PCDHA12: variants seen among roughly 807,000 people sequenced by gnomAD.
The protein encoded by PCDHA12 is protocadherin alpha 12.
A neutral mutation model predicts 60.0 loss-of-function variants in PCDHA12; 44 were observed. That is an observed-to-expected ratio of 0.73 (90% CI 0.58 to 0.94). PCDHA12 has a LOEUF of 0.94. Ranked by LOEUF, PCDHA12 falls within the 40% of genes least tolerant of loss-of-function variation. The pLI is 0.00. For synonymous variants in PCDHA12, 569 were observed against 553.0 expected (o/e 1.03, Z -0.40); for missense variants, 1,276 against 1,239.7 (o/e 1.03, Z -0.44).
chr5:140,954,615 C>A (rs782262504), intron 1 of PCDHA12, among the ~76,000 whole-genome samples: 16 of 151,806 alleles, frequency 1.1e-4, no homozygotes, highest in Non-Finnish European at 1.6e-4. Context: ...TTTTAATGGG[C>A]TTGTTTGGGT....
intron 3 of PCDHA12, among the ~76,000 whole-genome samples, chr5:140,983,914 AGGATT>A (rs1327360241): frequency 6.6e-6 from 1 of 152,244 alleles, no homozygotes; most frequent in Non-Finnish European, 1.5e-5. Flanking sequence ...CTAATCAGCC[AGGATT>A]TGCTATTTAT....
intron 3 of PCDHA12, among the ~76,000 whole-genome samples, chr5:140,999,645 G>C (rs1417751593): frequency 6.6e-6 from 1 of 152,156 alleles, no homozygotes; most frequent in Non-Finnish European, 1.5e-5. Context: ...AAACTGTGCA[G>C]CCTGAGCCCT....
At chr5:140,959,066 G>T (rs913581823) in intron 1 of PCDHA12, among the ~76,000 whole-genome samples, 81 of 152,142 alleles carry the variant, frequency 5.3e-4, no homozygotes, top group African/African-American at 1.9e-3. Flanking sequence ...AGTATATATA[G>T]AATTCAGTAT....
At chr5:140,939,350 A>G (rs2153641006) in intron 1 of PCDHA12, among the ~76,000 whole-genome samples, 1 of 152,266 alleles carries the variant, frequency 6.6e-6, no homozygotes, top group East Asian at 1.9e-4. Context: ...ATTTCAACTT[A>G]TGATTGCAAA....
At chr5:140,964,062 C>T (rs1257577051) in intron 1 of PCDHA12, among the ~76,000 whole-genome samples, 1 of 152,124 alleles carries the variant, frequency 6.6e-6, no homozygotes, top group Middle Eastern at 3.2e-3. Flanking sequence ...GTGGTCAAGG[C>T]ATTAGTGTTA....
chr5:140,955,156 G>A (rs556311036), intron 1 of PCDHA12, among the ~76,000 whole-genome samples: 25 of 152,262 alleles, frequency 1.6e-4, no homozygotes, highest in East Asian at 3.9e-4. Context: ...TACCAGTACC[G>A]TGCTGTTTTG....
chr5:140,876,230 A>C lies in PCDHA12; in HGVS notation c.758A>C (p.Glu253Ala). 1 of 1,613,886 alleles carries C rather than the reference A, an allele frequency of 6.2e-7. No individual in the cohort carries two copies. The highest frequency in any genetic ancestry group is 1.1e-5 in the South Asian group (1 of 91,064). ...DKPSYKVVLS[E>A]NVQNDTRVIQ... ...CCCAGCTATAAAGTAGTGTTGTCTGAAAATGTCCAAAACGACACAAGAGTG... is the reference window on the plus strand; with the variant it reads ...CCCAGCTATAAAGTAGTGTTGTCTGCAAATGTCCAAAACGACACAAGAGTG... The change falls in exon 1 of 4, where the codon GAA (glutamate) becomes GCA (alanine). Residue 253 changes from glutamate (E) to alanine (A), a missense_variant. Coordinates refer to ENST00000398631, the MANE Select transcript of PCDHA12 (RefSeq NM_018903.4).
intron 1 of PCDHA12, among the ~76,000 whole-genome samples, chr5:140,911,234 C>A (rs1554194655): frequency 6.6e-6 from 1 of 151,890 alleles, no homozygotes; most frequent in South Asian, 2.1e-4. Context: ...TTTCTTCTGG[C>A]AAAAAAAGTT....
chr5:140,926,570 G>A (rs2083360845), intron 1 of PCDHA12: 1 of 267,246 alleles, frequency 3.7e-6, no homozygotes, highest in African/African-American at 2.2e-5. Flanking sequence ...TGCTACTGGA[G>A]ACAGCACCTC....
chr5:140,927,418 C>T (rs1296760547), intron 1 of PCDHA12: 3 of 1,614,106 alleles, frequency 1.9e-6, no homozygotes, highest in Admixed American at 1.7e-5. Flanking sequence ...CATGGGATCG[C>T]GGGTTGACGG....
chr5:140,992,405 C>T (rs962261885), intron 3 of PCDHA12, among the ~76,000 whole-genome samples: 1 of 152,152 alleles, frequency 6.6e-6, no homozygotes, highest in Non-Finnish European at 1.5e-5. Context: ...AGATATTGTT[C>T]TGCCCCAGGT....
intron 1 of PCDHA12, among the ~76,000 whole-genome samples, chr5:140,935,909 T>C (rs1452831803): frequency 6.6e-6 from 1 of 151,600 alleles, no homozygotes; most frequent in African/African-American, 2.4e-5. Flanking sequence ...TTTTTTTTTT[T>C]TGAGACAGAT....
At chr5:140,898,062 T>G (rs2066502065) in intron 1 of PCDHA12, among the ~76,000 whole-genome samples, 1 of 152,110 alleles carries the variant, frequency 6.6e-6, no homozygotes, top group African/African-American at 2.4e-5. Flanking sequence ...TAAATTTGTT[T>G]GAGTTCATTG....
intron 1 of PCDHA12, among the ~76,000 whole-genome samples, chr5:140,911,457 A>G (rs1225259689): frequency 6.6e-6 from 1 of 152,144 alleles, no homozygotes; most frequent in Non-Finnish European, 1.5e-5. Flanking sequence ...CTCTTTCTCT[A>G]CAGGAGATAA....
At chr5:140,891,586 A>C (rs1296110221) in intron 1 of PCDHA12, among the ~76,000 whole-genome samples, 1 of 151,924 alleles carries the variant, frequency 6.6e-6, no homozygotes, top group Non-Finnish European at 1.5e-5. Flanking sequence ...TAATCTTATT[A>C]CTCTATCCCA....
At chr5:140,952,345 A>G (rs1199209045) in intron 1 of PCDHA12, among the ~76,000 whole-genome samples, 2 of 151,900 alleles carry the variant, frequency 1.3e-5, no homozygotes, top group Non-Finnish European at 2.9e-5. Context: ...TCTCAAAAAA[A>G]AAAAAAAAAG....
intron 2 of PCDHA12, among the ~76,000 whole-genome samples, chr5:140,981,682 C>T (rs2096944253): frequency 6.6e-6 from 1 of 151,668 alleles, no homozygotes; most frequent in South Asian, 2.1e-4. Flanking sequence ...TCCTTCCTCC[C>T]TTCCATCATT....
chr5:140,911,974 A>C (rs1471523711), intron 1 of PCDHA12, among the ~76,000 whole-genome samples: 3 of 152,212 alleles, frequency 2.0e-5, no homozygotes, highest in African/African-American at 4.8e-5. Flanking sequence ...GTATTAACTC[A>C]CATGATCACA....
chr5:140,883,569 C>T (rs781786717), intron 1 of PCDHA12: 3 of 1,614,134 alleles, frequency 1.9e-6, no homozygotes, highest in Non-Finnish European at 2.5e-6. Flanking sequence ...GGCTCGCCTT[C>T]GCTGTGGGCC....
Sources: allele counts gnomAD v4.1 joint callset (sites outside exome capture counted in the v4.1 genomes callset), GRCh38; gene constraint gnomAD v4.1.1; transcripts MANE v1.5; gene names NCBI Gene and HGNC (gene_info 2026-07-23, HGNC 2026-07-21).